ACVR1: variants seen among roughly 807,000 people sequenced by gnomAD.
The protein encoded by ACVR1 is activin A receptor type 1, also known as activin receptor type-1.
In ACVR1, 38 loss-of-function variants were observed where a neutral mutation model predicts 57.1. That is an observed-to-expected ratio of 0.67 (90% CI 0.51 to 0.87). The LOEUF (loss-of-function observed/expected upper bound fraction) is 0.87, where lower values mean the gene tolerates loss of function less well. ACVR1 is among the 40% of genes least tolerant of loss of function. ACVR1 has a pLI of 0.00. For missense variants in ACVR1, 463 were observed against 638.2 expected, an observed-to-expected ratio of 0.73 and a Z score of 2.96; for synonymous variants, 212 against 228.1, an observed-to-expected ratio of 0.93 and a Z score of 0.63.
chr2:157,830,919 C>T (rs1342124960), intron 1 of ACVR1, among the ~76,000 whole-genome samples: 2 of 152,132 alleles, frequency 1.3e-5, no homozygotes, highest in Admixed American at 6.5e-5. Flanking sequence ...CTCACCATGA[C>T]AATGTTACAT....
At chr2:157,828,390 C>T (rs1688464758) in intron 1 of ACVR1, among the ~76,000 whole-genome samples, 1 of 142,306 alleles carries the variant, frequency 7.0e-6, no homozygotes. Flanking sequence ...GCGGAGCTTG[C>T]AGTGAGCCGA....
At chr2:157,828,319 G>A (rs77471282) in intron 1 of ACVR1, among the ~76,000 whole-genome samples, 2 of 151,936 alleles carry the variant, frequency 1.3e-5, no homozygotes, top group African/African-American at 2.4e-5. Flanking sequence ...GCATGATGGC[G>A]GATGCCTGTA....
intron 9 of ACVR1, among the ~76,000 whole-genome samples, chr2:157,745,293 T>C (rs1684925534): frequency 6.6e-6 from 1 of 152,070 alleles, no homozygotes; most frequent in Admixed American, 6.5e-5. Flanking sequence ...AGAGCTTGCA[T>C]ACCTCCAAAA....
chr2:157,851,432 T>A (rs563369943), intron 1 of ACVR1, among the ~76,000 whole-genome samples: 1 of 151,890 alleles, frequency 6.6e-6, no homozygotes, highest in Non-Finnish European at 1.5e-5. Context: ...GAAACCAATT[T>A]TTAAAGACTC....
At chr2:157,831,163 C>T (rs1688568939) in intron 1 of ACVR1, among the ~76,000 whole-genome samples, 1 of 152,128 alleles carries the variant, frequency 6.6e-6, no homozygotes, top group South Asian at 2.1e-4. Flanking sequence ...GTTTATATCA[C>T]ACTGGGAAGA....
At chr2:157,839,978 T>C (rs1183347151) in intron 1 of ACVR1, among the ~76,000 whole-genome samples, 3 of 152,190 alleles carry the variant, frequency 2.0e-5, no homozygotes, top group African/African-American at 7.2e-5. Flanking sequence ...TGCTGAGGTG[T>C]GGTTGAAAAC....
intron 1 of ACVR1, among the ~76,000 whole-genome samples, chr2:157,831,996 G>C (rs1688595032): frequency 6.6e-6 from 1 of 152,038 alleles, no homozygotes; most frequent in South Asian, 2.1e-4. Flanking sequence ...AGCCTTTTTT[G>C]TACAACTTAG....
rs1473120013 is a variant in ACVR1 at position 157,799,430 on chromosome 2, C to G, written c.64G>C (p.Glu22Gln). 5 of 1,610,130 alleles carry G rather than the reference C, an allele frequency of 3.1e-6. No individual in the cohort carries two copies. The highest frequency in any genetic ancestry group is 4.2e-6 in the Non-Finnish European group (5 of 1,177,318). Reference sequence around the variant, plus strand: ...CAAAAAGATGTGAGTCACTTACCTTCCATACTAGGGGAGGGGAGAGCAATC... The same window carrying G: ...CAAAAAGATGTGAGTCACTTACCTTGCATACTAGGGGAGGGGAGAGCAATC... ...IMIALPSPSMEDEKPKVNPKL... is the reference protein window; with the variant it reads ...IMIALPSPSMQDEKPKVNPKL... Residue 22 changes from glutamate (E) to glutamine (Q), a missense_variant, in exon 3 of 11, where the codon GAA becomes CAA. Glu to Gln is a conservative substitution (Grantham distance 29, BLOSUM62 2). Coordinates refer to ENST00000434821, the MANE Select transcript of ACVR1 (RefSeq NM_001111067.4).
intron 3 of ACVR1, 134 bp from the exon 4 acceptor site, chr2:157,780,734 T>C (rs531654761): frequency 2.0e-4 from 212 of 1,077,132 alleles, no homozygotes; most frequent in Non-Finnish European, 2.7e-4. Context: ...CCATCAACCA[T>C]GAGGTCCACA....
At chr2:157,800,369 T>TTTCGGA (rs1687279565) in intron 2 of ACVR1, among the ~76,000 whole-genome samples, 2 of 152,184 alleles carry the variant, frequency 1.3e-5, no homozygotes, top group Non-Finnish European at 2.9e-5. Flanking sequence ...GGCTCACAGC[T>TTTCGGA]GTAATCCCAG....
rs936290814 is a variant in ACVR1 at position 157,836,948 on chromosome 2, A to G, written c.-182-18389T>C. On this transcript the variant is annotated intron_variant, in intron 1 of 10. Coordinates refer to ENST00000434821, the MANE Select transcript of ACVR1 (RefSeq NM_001111067.4). ...AATACCAGATGAATTGGTTCATATC[A>G]TGTGCTTCATTACATCTGCACCCAT... 9.8e-5 allele frequency among the ~76,000 whole-genome samples: 15 copies of G among 152,338 alleles called. 1 individual carries two copies. Among genetic ancestry groups the G allele is most frequent in the Admixed American group, 7.8e-4 (12 of 15,302 alleles).
At chr2:157,827,437 A>G (rs926347898) in intron 1 of ACVR1, among the ~76,000 whole-genome samples, 2 of 152,214 alleles carry the variant, frequency 1.3e-5, no homozygotes, top group East Asian at 3.8e-4. Context: ...TTGTGTGTGT[A>G]TATACTACAT....
intron 1 of ACVR1, among the ~76,000 whole-genome samples, chr2:157,831,169 G>GAAGA (rs1266022327): frequency 6.6e-6 from 1 of 152,104 alleles, no homozygotes; most frequent in African/African-American, 2.4e-5. Context: ...ATCACACTGG[G>GAAGA]AAGAAAAGAC....
rs1209030370 is a variant in ACVR1 at position 157,774,020 on chromosome 2, C to T, written c.643+68G>A. 7.9e-6 allele frequency: 11 copies of T among 1,395,318 alleles called. No individual in the cohort carries two copies. In the Admixed American group the frequency reaches 8.5e-5, roughly 11 times the overall value. The allele number at this position is 1,395,318 out of a possible 1,614,324, so 86.4% of individuals were successfully genotyped here. Reference sequence around the variant, plus strand: ...AACAAAAAGCAGATTTTCCAAGTTCCATCTTTTACTTCAAAAACAAAACTA... The same window carrying T: ...AACAAAAAGCAGATTTTCCAAGTTCTATCTTTTACTTCAAAAACAAAACTA... On this transcript the variant is annotated intron_variant, in intron 6 of 10. Coordinates refer to ENST00000434821, the MANE Select transcript of ACVR1 (RefSeq NM_001111067.4).
intron 4 of ACVR1, 128 bp downstream of exon 4, chr2:157,780,209 G>T: frequency 2.2e-6 from 3 of 1,365,904 alleles, no homozygotes; most frequent in Non-Finnish European, 3.1e-6. Context: ...GACCTTCCTT[G>T]TAGCTCTTCG....
intron 1 of ACVR1, among the ~76,000 whole-genome samples, chr2:157,853,556 C>T (rs1016534761): frequency 6.6e-6 from 1 of 152,156 alleles, no homozygotes; most frequent in Non-Finnish European, 1.5e-5. Flanking sequence ...GATGAATAGA[C>T]ACCATTGAAA....
At chr2:157,863,414 A>G (rs1331645328) in intron 1 of ACVR1, among the ~76,000 whole-genome samples, 1 of 114,620 alleles carries the variant, frequency 8.7e-6, no homozygotes, top group Non-Finnish European at 1.7e-5. Context: ...ACAGAGATTC[A>G]GGCAGGGCTC....
At chr2:157,763,807 A>G (rs1320497975) in intron 8 of ACVR1, among the ~76,000 whole-genome samples, 3 of 152,234 alleles carry the variant, frequency 2.0e-5, no homozygotes, top group Non-Finnish European at 4.4e-5. Flanking sequence ...CTGGTAAGTT[A>G]TATACAAATT....
intron 9 of ACVR1, among the ~76,000 whole-genome samples, chr2:157,744,751 G>T (rs1684901330): frequency 6.6e-6 from 1 of 152,194 alleles, no homozygotes; most frequent in Non-Finnish European, 1.5e-5. Context: ...AGGGCTTCGA[G>T]ATATTTCTCA....
Sources: gnomAD v4.1 joint callset for allele counts (sites outside exome capture counted in the v4.1 genomes callset) on GRCh38, gnomAD v4.1.1 for gene constraint, MANE v1.5 for transcripts, NCBI Gene and HGNC (gene_info 2026-07-23, HGNC 2026-07-21) for gene names.